EPB41: variants seen among roughly 807,000 people sequenced by gnomAD.
EPB41 encodes the protein protein 4.1.
EPB41 carries 65 observed loss-of-function variants against 108.0 expected under a neutral mutation model. That is an observed-to-expected ratio of 0.60 (90% CI 0.49 to 0.74). The LOEUF is 0.74. Among genes scored for constraint, EPB41 ranks in the 30% least tolerant of loss-of-function variants. EPB41 has a pLI of 0.00. For synonymous variants in EPB41, 336 were observed against 358.9 expected (o/e 0.94, Z 0.72); for missense variants, 875 against 1,037.0 (o/e 0.84, Z 2.15).
intron 16 of EPB41, chr1:29,096,681 G>GT: frequency 1.2e-6 from 1 of 826,620 alleles, no homozygotes; most frequent in African/African-American, 1.8e-5. Context: ...GGAGGAGGTG[G>GT]TGGTGGTATG....
chr1:28,967,810 CTT>C (rs1278947795), intron 1 of EPB41, among the ~76,000 whole-genome samples: 55 of 121,136 alleles, frequency 4.5e-4, no homozygotes, highest in African/African-American at 1.4e-3. Flanking sequence ...TGGGCCTTGT[CTT>C]TTTTTTTTTT....
At chr1:28,891,448 C>G (rs1457032364) in intron 1 of EPB41, among the ~76,000 whole-genome samples, 7 of 152,148 alleles carry the variant, frequency 4.6e-5, no homozygotes, top group Non-Finnish European at 7.3e-5. Context: ...AAGGGAAAAC[C>G]CGGAGAACAA....
At chr1:29,006,063 T>C (rs1374982759) in intron 4 of EPB41, among the ~76,000 whole-genome samples, 1 of 152,184 alleles carries the variant, frequency 6.6e-6, no homozygotes, top group Non-Finnish European at 1.5e-5. Flanking sequence ...ATTACTATTT[T>C]AGGGGACATC....
chr1:29,061,339 A>G (rs1439661861), intron 15 of EPB41, among the ~76,000 whole-genome samples: 1 of 151,918 alleles, frequency 6.6e-6, no homozygotes, highest in Admixed American at 6.6e-5. Flanking sequence ...GCGTGATCTC[A>G]GCTTACTGCA....
intron 1 of EPB41, among the ~76,000 whole-genome samples, chr1:28,982,833 T>G (rs565863987): frequency 6.6e-6 from 1 of 152,220 alleles, no homozygotes; most frequent in East Asian, 1.9e-4. Context: ...GCCTATTTTA[T>G]CATGTAAAGT....
Position 29,097,923 on chromosome 1 carries a change from T to C in EPB41, c.2301T>C (p.Tyr767=), listed in dbSNP as rs1663783067. The change falls in exon 17 of 21, where the codon TAT becomes TAC. Residue 767 remains tyrosine (Y), a synonymous_variant. Coordinates refer to ENST00000343067, the MANE Select transcript of EPB41 (RefSeq NM_001376013.1). The stretch of plus-strand genomic sequence containing the variant: ...ACACTGAGACCAAGACCATCACTTA[T>C]GAGGCTGCCCAGGTAGGACATGTTT... The part of the protein sequence containing the change: ...IVHTETKTIT[Y]EAAQTDDNSG... 6.2e-7 allele frequency: 1 copy of C among 1,613,994 alleles called. No individual in the cohort carries two copies.
chr1:29,037,333 C>T (rs767620867), intron 10 of EPB41, among the ~76,000 whole-genome samples: 3 of 152,076 alleles, frequency 2.0e-5, no homozygotes, highest in Non-Finnish European at 2.9e-5. Context: ...CTGCTCGCCT[C>T]GGCCTCCCAG....
At position 29,039,240 on chromosome 1, in the gene EPB41, G is replaced by C. The variant is rs1296017712; in HGVS notation, c.1464-14G>C. ...GAATATATAATAATATGACTATTAC[G>C]ATTTTCCCCCCAGATTGACATCTAC... On this transcript the variant is annotated splice_polypyrimidine_tract_variant and intron_variant, in intron 10 of 20. Transcript: ENST00000343067. The C allele has an allele frequency of 2.5e-6, 4 of 1,612,294 alleles. No individual in the cohort carries two copies. The African/African-American group carries it at 5.3e-5, about 22-fold the overall frequency.
intron 1 of EPB41, among the ~76,000 whole-genome samples, chr1:28,891,670 G>T (rs1003097961): frequency 6.6e-6 from 1 of 152,184 alleles, no homozygotes; most frequent in Non-Finnish European, 1.5e-5. Context: ...TGAGAATGTG[G>T]TTGCTGGTCA....
In EPB41 at chr1:28,971,474, C is replaced by T. The variant is rs141677643; in HGVS notation, c.-7-15957C>T. 4.6e-5 allele frequency among the ~76,000 whole-genome samples: 7 copies of T among 152,160 alleles called. No individual in the cohort carries two copies. The East Asian group carries it at 1.2e-3, about 25-fold the overall frequency. ...TGCTGGGATTACAGGCATGAGCCAC[C>T]GCGCCCGGTTGCATTTACTCTTTAA... On this transcript the variant is annotated intron_variant, in intron 1 of 20. Transcript: ENST00000343067.
chr1:29,028,103 C>T (rs1464396334), intron 7 of EPB41, among the ~76,000 whole-genome samples: 1 of 152,170 alleles, frequency 6.6e-6, no homozygotes, highest in Admixed American at 6.5e-5. Context: ...GGATTATAGA[C>T]GTGAGCCACC....
chr1:29,109,485 G>A, intron 18 of EPB41, 48 bp downstream of exon 18: 2 of 1,511,014 alleles, frequency 1.3e-6, no homozygotes, highest in Non-Finnish European at 1.8e-6. Context: ...GGCAGGCTAA[G>A]CTTGCTGCCA....
intron 17 of EPB41, 125 bp from the exon 18 acceptor site, chr1:29,109,211 A>AT: frequency 1.4e-6 from 1 of 739,820 alleles, no homozygotes; most frequent in Non-Finnish European, 2.3e-6. Flanking sequence ...AAAAAAAAAA[A>AT]GAGGTCATTC....
chr1:28,888,556 G>A lies in EPB41; in HGVS notation c.-8+1346G>A, dbSNP rs191519863. 3.3e-5 allele frequency among the ~76,000 whole-genome samples: 5 copies of A among 152,344 alleles called. No individual in the cohort carries two copies. The East Asian group carries it at 9.6e-4, about 29-fold the overall frequency. On this transcript the variant is annotated intron_variant, in intron 1 of 16. Coordinates refer to the EPB41 transcript ENST00000347529. Reference sequence around the variant, plus strand: ...ACTCCCTGCCTTGAAGGCTCTCCGGGGTGTCAGACAGACACTTCGGAAATC... The same window carrying A: ...ACTCCCTGCCTTGAAGGCTCTCCGGAGTGTCAGACAGACACTTCGGAAATC...
intron 9 of EPB41, among the ~76,000 whole-genome samples, chr1:29,034,232 T>C (rs961091847): frequency 4.6e-5 from 7 of 152,232 alleles, no homozygotes; most frequent in African/African-American, 1.7e-4. Flanking sequence ...CAAATATTTA[T>C]TGAGAGCTTT....
At chr1:28,919,134 C>G (rs1206905380) in intron 1 of EPB41, among the ~76,000 whole-genome samples, 1 of 152,234 alleles carries the variant, frequency 6.6e-6, no homozygotes, top group Non-Finnish European at 1.5e-5. Flanking sequence ...ACCCACCTTA[C>G]TGACACTTTG....
chr1:28,995,829 A>G (rs1176817720), intron 3 of EPB41, among the ~76,000 whole-genome samples: 3 of 152,190 alleles, frequency 2.0e-5, no homozygotes, highest in African/African-American at 4.8e-5. Context: ...TACATGAAGC[A>G]TTTTCAAATC....
intron 11 of EPB41, 89 bp from the exon 12 acceptor site, chr1:29,053,015 T>C: frequency 7.2e-7 from 1 of 1,388,760 alleles, no homozygotes; most frequent in Non-Finnish European, 1.0e-6. Flanking sequence ...GTGTGTATCC[T>C]GGATTCACAA....
chr1:29,002,065 G>T (rs1179940575), intron 4 of EPB41, among the ~76,000 whole-genome samples: 2 of 152,082 alleles, frequency 1.3e-5, no homozygotes, highest in Admixed American at 1.3e-4. Context: ...TTTCTCATTG[G>T]TAAAATGGGA....
Sources: allele counts gnomAD v4.1 joint callset (sites outside exome capture counted in the v4.1 genomes callset), GRCh38; gene constraint gnomAD v4.1.1; transcripts MANE v1.5; gene names NCBI Gene and HGNC (gene_info 2026-07-23, HGNC 2026-07-21).